Variants in PLXNB3 observed in about 807,000 individuals in gnomAD.
The protein encoded by PLXNB3 is plexin-B3.
PLXNB3 carries 80 observed loss-of-function variants against 125.7 expected under a neutral mutation model. The observed-to-expected ratio is 0.64, with a 90% CI of 0.53 to 0.77. PLXNB3 has a LOEUF of 0.77. PLXNB3 is among the 30% of genes least tolerant of loss of function. The pLI is 0.00. For synonymous variants in PLXNB3, 954 were observed against 783.3 expected, an observed-to-expected ratio of 1.22 and a Z score of -3.64; for missense variants, 1,836 against 1,729.3, an observed-to-expected ratio of 1.06 and a Z score of -1.09.
Position 153,769,275 on chromosome X carries a change from C to T in PLXNB3, c.1496+13C>T. 8.8e-7 allele frequency: 1 copy of T among 1,134,073 alleles called. No homozygotes were observed. The highest frequency in any genetic ancestry group is 1.2e-6 in the Non-Finnish European group (1 of 844,129). 93.5% of individuals were successfully genotyped at this position (1,134,073 alleles called of 1,213,427 possible). On this transcript the variant is annotated intron_variant, in intron 6 of 35. Transcript: ENST00000361971. ...TCCTCCAGGGCAGGTGAGCACGGGG[C>T]CTGTGCCTAGGCTAGGGCCAACGGG...
intron 16 of PLXNB3, 164 bp from the exon 17 acceptor site, chrX:153,772,722 A>T: frequency 9.7e-7 from 1 of 1,030,358 alleles, no homozygotes; most frequent in East Asian, 3.8e-5. Flanking sequence ...GAAGCTGGCC[A>T]GTGTGCAGTG....
At position 153,773,030 on chromosome X, in the gene PLXNB3, T is replaced by TGGCTGCC; in HGVS notation, c.2906+16_2906+22dup. ...ACCCTGTCCCATGTGAGTCCCGGCC[T>TGGCTGCC]GGCTGCCGTCGGGTGGTGGGCACTC... On this transcript the variant is annotated intron_variant, in intron 17 of 35. Coordinates refer to ENST00000361971, the MANE Select transcript of PLXNB3 (RefSeq NM_005393.3). 8.6e-7 allele frequency: 1 copy of TGGCTGCC among 1,160,124 alleles called. No individual in the cohort carries two copies. The highest frequency in any genetic ancestry group is 2.8e-5 in the Admixed American group (1 of 36,132).
intron 15 of PLXNB3, 60 bp downstream of exon 15, chrX:153,772,075 T>A: frequency 8.9e-7 from 1 of 1,127,694 alleles, no homozygotes; most frequent in Non-Finnish European, 1.2e-6. Context: ...CACCCAGAGA[T>A]AAGGAAGGCC....
At chrX:153,769,774 C>T (rs2091905751) in intron 6 of PLXNB3, 33 bp from the exon 7 acceptor site, 9 of 1,189,190 alleles carry the variant, frequency 7.6e-6, no homozygotes, top group East Asian at 3.0e-5. Context: ...GTCTAGGACC[C>T]CCACGGTGAC....
chrX:153,771,190 C>T (rs977723567), intron 12 of PLXNB3, 109 bp downstream of exon 12: 24 of 921,378 alleles, frequency 2.6e-5, no homozygotes, highest in Non-Finnish European at 3.8e-5. Flanking sequence ...TGTCTGTGGG[C>T]CCCAGTCTTG....
At position 153,773,904 on chromosome X, in the gene PLXNB3, C is replaced by T. The variant is rs781786655; in HGVS notation, c.3325C>T (p.Arg1109Trp). The T allele has an allele frequency of 1.1e-5, 13 of 1,210,128 alleles. No individual in the cohort carries two copies. The highest frequency in any genetic ancestry group is 1.7e-5 in the African/African-American group (1 of 57,591). ...CAACTCGTCCAGCCTCCTCCTGTGC[C>T]GGAGCCCTGCTGTACCAGACAGAGC... is the stretch of plus-strand genomic sequence containing the variant. ...SVNSSSLLLC[R>W]SPAVPDRAHP... is the part of the protein sequence containing the mutation. The change falls in exon 20 of 36, where the codon CGG becomes TGG. Residue 1109 changes from arginine to tryptophan, a missense_variant. Arg to Trp is a moderately radical substitution (Grantham distance 101, BLOSUM62 -3). Coordinates refer to ENST00000361971, the MANE Select transcript of PLXNB3 (RefSeq NM_005393.3).
chrX:153,776,797 G>A, intron 28 of PLXNB3, 90 bp from the exon 29 acceptor site: 1 of 560,276 alleles, frequency 1.8e-6, no homozygotes. Flanking sequence ...GGGCGGGTCT[G>A]GGGCGGGGAA....
chrX:153,770,682 C>T, intron 10 of PLXNB3, 40 bp downstream of exon 10: 1 of 1,205,634 alleles, frequency 8.3e-7, no homozygotes, highest in Non-Finnish European at 1.1e-6. Context: ...AGGGCTGTCC[C>T]TTCTCCACCC....
Position 153,767,590 on chromosome X carries a change from GC to G in PLXNB3, c.766del (p.Gln256ArgfsTer45). 1 of 1,182,627 alleles carries G rather than the reference GC, an allele frequency of 8.5e-7. No homozygotes were observed. The highest frequency in any genetic ancestry group is 1.1e-6 in the Non-Finnish European group (1 of 881,301). ...YFVFRRRGAR[A>X]QAEYRSYVAR... The stretch of plus-strand genomic sequence containing the variant: ...CGTGTTCCGCCGCCGCGGGGCCCGG[GC>G]CCAGGCTGAGTACCGCTCCTACGTG... On this transcript the variant is annotated frameshift_variant, in exon 3 of 36. Coordinates refer to ENST00000361971, the MANE Select transcript of PLXNB3 (RefSeq NM_005393.3). LOFTEE classifies it high-confidence loss of function.
intron 6 of PLXNB3, 35 bp downstream of exon 6, chrX:153,769,297 C>G (rs2266877): frequency 1.8e-6 from 2 of 1,090,315 alleles, no homozygotes; most frequent in Non-Finnish European, 2.5e-6. Flanking sequence ...CTAGGGCCAA[C>G]GGGTGGTGTG....
chrX:153,769,557 C>T (rs1440744060), intron 6 of PLXNB3, among the ~76,000 whole-genome samples: 10 of 113,130 alleles, frequency 8.8e-5, no homozygotes, highest in African/African-American at 3.2e-4. Flanking sequence ...CCCTGGAATC[C>T]TTTAAGGCAG....
At chrX:153,765,220 C>A (rs2091843879) in intron 1 of PLXNB3, among the ~76,000 whole-genome samples, 1 of 113,010 alleles carries the variant, frequency 8.8e-6, no homozygotes, top group South Asian at 3.6e-4. Context: ...TGGGAAGTGG[C>A]AAGGAGCCCC....
rs949382845 is a variant in PLXNB3 at position 153,770,525 on chromosome X, T to A, written c.1896-3T>A. 8.3e-7 allele frequency: 1 copy of A among 1,210,028 alleles called. No individual in the cohort carries two copies. ...CAGTTGAGCAGCCACCCTGCCCCTC[T>A]AGGTGTCGCGCTTGCGTGGGCAGCA... is the stretch of plus-strand genomic sequence containing the variant. On this transcript the variant is annotated splice_polypyrimidine_tract_variant and splice_region_variant and intron_variant, in intron 9 of 35. Transcript: ENST00000361971.
chrX:153,767,671 G>A lies in PLXNB3; in HGVS notation c.844G>A (p.Ala282Thr), dbSNP rs782082970. 2.6e-5 allele frequency: 31 copies of A among 1,188,116 alleles called. No individual in the cohort carries two copies. Among genetic ancestry groups the A allele is most frequent in the African/African-American group, 1.9e-4 (11 of 56,965 alleles). ...NLYSYVEVPLACQGQGLIQAA... is the reference protein window; with the variant it reads ...NLYSYVEVPLTCQGQGLIQAA... The stretch of plus-strand genomic sequence containing the variant: ...GTACTCCTACGTGGAGGTCCCCCTC[G>A]CCTGCCAGGGCCAGGGCCTCATCCA... The change falls in exon 3 of 36, where the codon GCC (alanine) becomes ACC (threonine). Residue 282 changes from alanine to threonine, a missense_variant. Transcript: ENST00000361971.
intron 16 of PLXNB3, chrX:153,772,638 C>T: frequency 1.1e-6 from 1 of 948,886 alleles, no homozygotes; most frequent in South Asian, 3.6e-5. Context: ...GGAGGCTGTC[C>T]CAAGGGGGAC....
intron 6 of PLXNB3, among the ~76,000 whole-genome samples, chrX:153,769,542 G>A (rs1557060776): frequency 8.9e-6 from 1 of 112,894 alleles, no homozygotes; most frequent in African/African-American, 3.2e-5. Flanking sequence ...GCTCCACACG[G>A]CAGCCCCTGG....
chrX:153,771,671 G>C lies in PLXNB3; in HGVS notation c.2517+16G>C. The C allele has an allele frequency of 8.6e-7, 1 of 1,168,639 alleles. No individual in the cohort carries two copies. Among genetic ancestry groups the C allele is most frequent in the African/African-American group, 1.7e-5 (1 of 57,324 alleles). ...CATTGATGCAGTGAGTCTCCTGCCG[G>C]GCCCCCACAGCCCAGTGGCCCACTT... On this transcript the variant is annotated intron_variant, in intron 14 of 35. Coordinates refer to ENST00000361971, the MANE Select transcript of PLXNB3 (RefSeq NM_005393.3).
At chrX:153,765,729 C>G in intron 2 of PLXNB3, 149 bp downstream of exon 2, 1 of 1,129,865 alleles carries the variant, frequency 8.9e-7, no homozygotes, top group Non-Finnish European at 1.2e-6. Context: ...AGGAAGTGTC[C>G]GTGCTCTTCC....
At position 153,770,540 on chromosome X, in the gene PLXNB3, C is replaced by T. The variant is rs781873055; in HGVS notation, c.1908C>T (p.Cys636=). 3.3e-5 allele frequency: 40 copies of T among 1,210,081 alleles called. No homozygotes were observed. Among genetic ancestry groups the T allele is most frequent in the South Asian group, 5.3e-5 (3 of 56,854 alleles). ...ALEAAAPCRA[C]VGSIWRCHWC... is the part of the protein sequence containing the mutation. ...CCTGCCCCTCTAGGTGTCGCGCTTG[C>T]GTGGGCAGCATCTGGCGGTGTCACT... is the stretch of plus-strand genomic sequence containing the variant. Residue 636 remains cysteine (C), a synonymous_variant, in exon 10 of 36, where the codon TGC becomes TGT. Transcript: ENST00000361971.
Sources: gnomAD v4.1 joint callset for allele counts (sites outside exome capture counted in the v4.1 genomes callset) on GRCh38, gnomAD v4.1.1 for gene constraint, MANE v1.5 for transcripts, NCBI Gene and HGNC (gene_info 2026-07-23, HGNC 2026-07-21) for gene names.